The following DCC variants were observed in gnomAD, a reference collection of about 807,000 sequenced individuals.
The protein encoded by DCC is DCC netrin 1 receptor.
In DCC, 58 loss-of-function variants were observed where a neutral mutation model predicts 172.5. The observed-to-expected ratio is 0.34, with a 90% confidence interval of 0.27 to 0.42. The LOEUF is 0.42. DCC is among the 10% of genes least tolerant of loss of function. DCC has a pLI of 1.00. For missense variants in DCC, 1,740 were observed against 1,791.0 expected, an observed-to-expected ratio of 0.97 and a Z score of 0.51; for synonymous variants, 709 against 644.5, an observed-to-expected ratio of 1.10 and a Z score of -1.52.
At chr18:52,486,697 T>C (rs1363074992) in intron 1 of DCC, among the ~76,000 whole-genome samples, 1 of 152,140 alleles carries the variant, frequency 6.6e-6, no homozygotes, top group Non-Finnish European at 1.5e-5. Context: ...ACCACAAATC[T>C]GCGAGTCTTA....
At chr18:53,483,600 A>AACAT (rs2045863827) in intron 25 of DCC, among the ~76,000 whole-genome samples, 1 of 151,922 alleles carries the variant, frequency 6.6e-6, no homozygotes, top group African/African-American at 2.4e-5. Flanking sequence ...CCCACAGATT[A>AACAT]ACATACAAAC....
At chr18:53,116,771 A>G (rs753266475) in intron 7 of DCC, among the ~76,000 whole-genome samples, 4 of 151,786 alleles carry the variant, frequency 2.6e-5, no homozygotes, top group Admixed American at 2.0e-4. Context: ...TTCGATTTCA[A>G]TTGAATATTT....
chr18:53,310,959 CTT>C, intron 13 of DCC, among the ~76,000 whole-genome samples: 1 of 138,348 alleles, frequency 7.2e-6, no homozygotes, highest in Non-Finnish European at 1.6e-5. Flanking sequence ...CCGTACTACC[CTT>C]ACAATAAAGG....
chr18:53,277,606 T>C (rs1431187), intron 12 of DCC, among the ~76,000 whole-genome samples: 134,298 of 152,130 alleles, frequency 0.88, 59,419 homozygotes, highest in Middle Eastern at 0.93. Flanking sequence ...GTTTTGATAA[T>C]ACAGTTAAGC....
chr18:52,972,562 C>A (rs2041047079), intron 5 of DCC, among the ~76,000 whole-genome samples: 1 of 148,784 alleles, frequency 6.7e-6, no homozygotes, highest in African/African-American at 2.5e-5. Context: ...ACTCCATGTA[C>A]ATATCAAGAT....
At chr18:53,445,115 A>C (rs1047241293) in intron 22 of DCC, among the ~76,000 whole-genome samples, 46 of 152,326 alleles carry the variant, frequency 3.0e-4, no homozygotes, top group African/African-American at 1.1e-3. Flanking sequence ...CATAACGCTG[A>C]TAAATATCTT....
At chr18:53,358,721 C>T (rs1359075281) in intron 15 of DCC, among the ~76,000 whole-genome samples, 3 of 151,838 alleles carry the variant, frequency 2.0e-5, no homozygotes, top group African/African-American at 7.3e-5. Flanking sequence ...GAGGTTTCAC[C>T]ATGTTGGCCA....
At chr18:52,801,888 T>A (rs1410788682) in intron 2 of DCC, among the ~76,000 whole-genome samples, 7 of 152,192 alleles carry the variant, frequency 4.6e-5, no homozygotes, top group Non-Finnish European at 1.0e-4. Context: ...TTTCTCTATG[T>A]GCTTGTCTGT....
chr18:53,217,262 T>TACACAC (rs36226906), intron 12 of DCC, among the ~76,000 whole-genome samples: 329 of 133,360 alleles, frequency 2.5e-3, no homozygotes, highest in East Asian at 0.01. Flanking sequence ...ATATATATTA[T>TACACAC]ACACACACAC....
Position 53,168,538 on chromosome 18 carries a change from G to T in DCC, c.1419-10424G>T, listed in dbSNP as rs952818616. Reference sequence around the variant, plus strand: ...AATGAGAGCACATGGACACAGGGAGGGGAACATCACACACTGGGGTCTGTC... The same window carrying T: ...AATGAGAGCACATGGACACAGGGAGTGGAACATCACACACTGGGGTCTGTC... On this transcript the variant is annotated intron_variant, in intron 8 of 28. Transcript: ENST00000442544. Among the ~76,000 whole-genome samples the T allele has an allele frequency of 1.2e-4, 15 of 124,822 alleles. 1 individual carries two copies. In the Admixed American group the frequency reaches 1.4e-3, roughly 11 times the overall value. 81.9% of individuals were successfully genotyped at this position (124,822 alleles called of 152,430 possible).
At chr18:53,089,385 C>A (rs532482245) in intron 7 of DCC, among the ~76,000 whole-genome samples, 1 of 151,934 alleles carries the variant, frequency 6.6e-6, no homozygotes, top group Non-Finnish European at 1.5e-5. Flanking sequence ...TGCACCCGGC[C>A]GTACTCATGT....
At chr18:52,439,115 A>C (rs985750325) in intron 1 of DCC, among the ~76,000 whole-genome samples, 1 of 151,926 alleles carries the variant, frequency 6.6e-6, no homozygotes, top group Admixed American at 6.6e-5. Context: ...GGTTTATGAA[A>C]GTGCAGCAGG....
chr18:53,488,786 G>T (rs1230235411), intron 26 of DCC, among the ~76,000 whole-genome samples: 1 of 152,158 alleles, frequency 6.6e-6, no homozygotes, highest in Non-Finnish European at 1.5e-5. Flanking sequence ...TGGGATAGGA[G>T]GCTTGTGAGA....
At chr18:52,595,187 A>G (rs1003490740) in intron 1 of DCC, among the ~76,000 whole-genome samples, 1 of 152,220 alleles carries the variant, frequency 6.6e-6, no homozygotes, top group African/African-American at 2.4e-5. Context: ...ACTTACAGGC[A>G]TATTACTCAG....
chr18:52,694,486 CT>C (rs772138258), intron 1 of DCC, among the ~76,000 whole-genome samples: 5 of 152,266 alleles, frequency 3.3e-5, no homozygotes, highest in African/African-American at 9.6e-5. Flanking sequence ...GGATTCCACA[CT>C]GTTCTATAAC....
intron 5 of DCC, among the ~76,000 whole-genome samples, chr18:52,929,046 C>T (rs2040262362): frequency 6.6e-6 from 1 of 152,066 alleles, no homozygotes; most frequent in East Asian, 1.9e-4. Flanking sequence ...TCCAGGCTCC[C>T]CTCAAACCAA....
At chr18:53,274,625 G>T (rs1020967270) in intron 12 of DCC, among the ~76,000 whole-genome samples, 2 of 152,114 alleles carry the variant, frequency 1.3e-5, no homozygotes, top group Non-Finnish European at 2.9e-5. Flanking sequence ...TTAGAAGCAA[G>T]ATTTTCAGGG....
chr18:53,323,431 A>T (rs1367294919), intron 14 of DCC, among the ~76,000 whole-genome samples: 1 of 152,252 alleles, frequency 6.6e-6, no homozygotes, highest in African/African-American at 2.4e-5. Flanking sequence ...AATTCAAAGA[A>T]TGTTTATAGA....
At chr18:52,480,085 A>G (rs952830497) in intron 1 of DCC, among the ~76,000 whole-genome samples, 2 of 152,144 alleles carry the variant, frequency 1.3e-5, no homozygotes, top group African/African-American at 2.4e-5. Context: ...AATTTGCCCA[A>G]AGTTGCACAG....
Sources: gnomAD v4.1 joint callset for allele counts (sites outside exome capture counted in the v4.1 genomes callset) on GRCh38, gnomAD v4.1.1 for gene constraint, MANE v1.5 for transcripts, NCBI Gene and HGNC (gene_info 2026-07-23, HGNC 2026-07-21) for gene names.